The following ARMH3 variants were observed in gnomAD, a reference collection of about 807,000 sequenced individuals.
ARMH3 encodes the protein armadillo-like helical domain-containing protein 3.
A neutral mutation model predicts 99.1 loss-of-function variants in ARMH3; 60 were observed. That is an observed-to-expected ratio of 0.61 (90% CI 0.49 to 0.75). The LOEUF (loss-of-function observed/expected upper bound fraction) is 0.75. ARMH3 is among the 30% of genes least tolerant of loss of function. The probability of loss-of-function intolerance (pLI) is 0.00; values close to 1 mark genes in which losing one functional copy is unlikely to be tolerated. For synonymous variants in ARMH3, 285 were observed against 292.8 expected (o/e 0.97, Z 0.27); for missense variants, 679 against 843.1 (o/e 0.81, Z 2.41).
chr10:101,993,591 T>C lies in ARMH3; in HGVS notation c.1222A>G (p.Asn408Asp), dbSNP rs1846910418. 1.9e-6 allele frequency: 3 copies of C among 1,596,502 alleles called. No homozygotes were observed. The highest frequency in any genetic ancestry group is 2.6e-6 in the Non-Finnish European group (3 of 1,169,442). ...ATGTTGTCATCATGCAAAAATGCAT[T>C]GGCATATTGATCCTAATAAAAATAT... ...LTCIAEDQYA[N>D]AFLHDDNMNF... Residue 408 changes from asparagine to aspartate, a missense_variant, in exon 17 of 26, where the codon AAT (asparagine) becomes GAT (aspartate). By Grantham distance (23) the Asn-to-Asp change is conservative. Coordinates refer to ENST00000370033, the MANE Select transcript of ARMH3 (RefSeq NM_024541.3).
intron 20 of ARMH3, among the ~76,000 whole-genome samples, chr10:101,960,783 G>A (rs555236650): frequency 1.4e-3 from 215 of 151,646 alleles, no homozygotes; most frequent in African/African-American, 5.0e-3. Flanking sequence ...CCAGCTACTC[G>A]TGAGGCTGAG....
chr10:101,950,505 T>C (rs918942219), intron 22 of ARMH3, among the ~76,000 whole-genome samples: 5 of 152,236 alleles, frequency 3.3e-5, no homozygotes, highest in African/African-American at 4.8e-5. Flanking sequence ...TGGATGCTCA[T>C]AGCAGGATAA....
intron 6 of ARMH3, among the ~76,000 whole-genome samples, chr10:102,024,557 A>G (rs1449338500): frequency 6.6e-6 from 1 of 152,038 alleles, no homozygotes; most frequent in African/African-American, 2.4e-5. Flanking sequence ...AGGCAGGTGG[A>G]TCACCTAAGG....
At chr10:102,041,870 A>T (rs186935093) in intron 1 of ARMH3, among the ~76,000 whole-genome samples, 1 of 152,070 alleles carries the variant, frequency 6.6e-6, no homozygotes, top group Admixed American at 6.6e-5. Flanking sequence ...GGCTGCTCTC[A>T]AACTCCTGAC....
At chr10:102,024,693 C>A (rs1289373526) in intron 6 of ARMH3, among the ~76,000 whole-genome samples, 1 of 151,904 alleles carries the variant, frequency 6.6e-6, no homozygotes, top group East Asian at 1.9e-4. Flanking sequence ...GTGGCACATG[C>A]CTGTAATCCC....
rs71485765 is a variant in ARMH3, at chr10:101,864,060, C to CA, written c.1861-14169dup. ...TGGGCAACAGAGCAAGACTCCATCTCAAAAAAAAAAAAAAAAAAACACACA... is the reference window on the plus strand; with the variant it reads ...TGGGCAACAGAGCAAGACTCCATCTCAAAAAAAAAAAAAAAAAAAACACACA... On this transcript the variant is annotated intron_variant, in intron 24 of 25. Coordinates refer to ENST00000370033, the MANE Select transcript of ARMH3 (RefSeq NM_024541.3). 1.2e-3 allele frequency among the ~76,000 whole-genome samples: 132 copies of CA among 105,642 alleles called. 1 individual carries two copies. Among genetic ancestry groups the CA allele is most frequent in the South Asian group, 3.0e-3 (9 of 3,050 alleles). 69.3% of individuals were successfully genotyped at this position (105,642 alleles called of 152,430 possible). A position where few individuals can be genotyped will look rare whatever the true frequency, so the allele number is the denominator to read the frequency against.
chr10:101,985,074 T>TACACAC (rs766381815), intron 19 of ARMH3, among the ~76,000 whole-genome samples: 768 of 65,824 alleles, frequency 0.012, 7 homozygotes, highest in East Asian at 0.043. Context: ...TCTAAAAATA[T>TACACAC]ATATACACAC....
chr10:102,045,252 A>C (rs1277545135), intron 1 of ARMH3, among the ~76,000 whole-genome samples: 1 of 152,128 alleles, frequency 6.6e-6, no homozygotes, highest in African/African-American at 2.4e-5. Context: ...TTTTGGGCAC[A>C]AGCACTGGGA....
At chr10:101,889,928 T>C (rs2067647354) in intron 23 of ARMH3, among the ~76,000 whole-genome samples, 1 of 152,156 alleles carries the variant, frequency 6.6e-6, no homozygotes, top group Admixed American at 6.5e-5. Context: ...TTCATACTTG[T>C]TAGTAAATAG....
At chr10:102,025,082 T>A (rs1312353873) in intron 6 of ARMH3, 74 bp downstream of exon 6, 1 of 1,247,876 alleles carries the variant, frequency 8.0e-7, no homozygotes. Context: ...TTTCCTTCTA[T>A]CTTTGGGCTC....
At chr10:101,886,879 C>A (rs927348673) in intron 24 of ARMH3, among the ~76,000 whole-genome samples, 4 of 152,162 alleles carry the variant, frequency 2.6e-5, no homozygotes, top group Non-Finnish European at 5.9e-5. Context: ...TCTATCCATG[C>A]TCTTTAGGTT....
intron 13 of ARMH3, among the ~76,000 whole-genome samples, chr10:102,007,656 TAAAAAAA>T (rs961346897): frequency 1.1e-4 from 6 of 54,960 alleles, no homozygotes; most frequent in Non-Finnish European, 1.4e-4. Flanking sequence ...CTGTCTCTAC[TAAAAAAA>T]AAAAAAAAAA....
At position 101,984,772 on chromosome 10, in the gene ARMH3, T is replaced by A. The variant is rs1025267525; in HGVS notation, c.1406+5779A>T. 2.6e-5 allele frequency among the ~76,000 whole-genome samples: 4 copies of A among 151,738 alleles called. No individual in the cohort carries two copies. In the East Asian group the frequency reaches 5.8e-4, roughly 22 times the overall value. On this transcript the variant is annotated intron_variant, in intron 19 of 25. Coordinates refer to ENST00000370033, the MANE Select transcript of ARMH3 (RefSeq NM_024541.3). ...TTAACCACTGCTATGGCCTTAAAAATATATATATATACTGGAGGCCAGGCA... is the reference window on the plus strand; with the variant it reads ...TTAACCACTGCTATGGCCTTAAAAAAATATATATATACTGGAGGCCAGGCA...
intron 20 of ARMH3, among the ~76,000 whole-genome samples, chr10:101,974,981 G>C (rs953292097): frequency 5.3e-5 from 7 of 131,890 alleles, no homozygotes; most frequent in Admixed American, 1.8e-4. Flanking sequence ...GAAGGGGAAG[G>C]AACAAGGGAC....
chr10:102,032,852 T>A, intron 4 of ARMH3, 174 bp downstream of exon 4: 1 of 647,960 alleles, frequency 1.5e-6, no homozygotes, highest in Non-Finnish European at 2.5e-6. Context: ...TAAGTGTCAA[T>A]TTGTATAAAT....
intron 16 of ARMH3, 73 bp from the exon 17 acceptor site, chr10:101,993,676 C>A: frequency 9.5e-7 from 1 of 1,050,700 alleles, no homozygotes. Context: ...ACACTTCGTA[C>A]AAATCCTTGG....
chr10:102,041,075 CATATATATATATATAATATATATATATAT>C (rs199540605), intron 1 of ARMH3, among the ~76,000 whole-genome samples: 1 of 132,008 alleles, frequency 7.6e-6, no homozygotes, highest in African/African-American at 2.7e-5. Flanking sequence ...ATTGTGTGTA[CATATATATATATATAATATATATATATAT>C]ATATATATGT....
intron 4 of ARMH3, among the ~76,000 whole-genome samples, chr10:102,030,509 G>A (rs2067103126): frequency 6.6e-6 from 1 of 152,080 alleles, no homozygotes. Flanking sequence ...AGGAGTTCGA[G>A]ACCAGCTTGG....
chr10:101,959,608 G>C (rs983320051), intron 20 of ARMH3, among the ~76,000 whole-genome samples: 4 of 152,184 alleles, frequency 2.6e-5, no homozygotes, highest in African/African-American at 9.7e-5. Flanking sequence ...ATGATTTATT[G>C]CTCCTCTGCT....
Sources: gnomAD v4.1 joint callset for allele counts (sites outside exome capture counted in the v4.1 genomes callset) on GRCh38, gnomAD v4.1.1 for gene constraint, MANE v1.5 for transcripts, NCBI Gene and HGNC (gene_info 2026-07-23, HGNC 2026-07-21) for gene names.